Variants in HFM1 observed in about 807,000 individuals in gnomAD.
HFM1 encodes helicase for meiosis 1.
Under a neutral mutation model 192.1 loss-of-function variants are expected in HFM1, and 169 were observed. The ratio of observed to expected loss-of-function variants is 0.88; its 90% confidence interval spans 0.78 to 1.00. The LOEUF is 1.00. HFM1 is among the 50% of genes least tolerant of loss of function. The probability of loss-of-function intolerance (pLI) is 0.00; values close to 1 mark genes in which losing one functional copy is unlikely to be tolerated. For synonymous variants in HFM1, 525 were observed against 537.8 expected (o/e 0.98, Z 0.33); for missense variants, 1,661 against 1,668.0 (o/e 1.00, Z 0.07).
chr1:91,264,407 C>G (rs1665518448), intron 36 of HFM1, among the ~76,000 whole-genome samples: 1 of 60,252 alleles, frequency 1.7e-5, no homozygotes, highest in African/African-American at 7.0e-5. Flanking sequence ...GAGTCTCGCT[C>G]TGTGGCCCAG....
intron 20 of HFM1, among the ~76,000 whole-genome samples, chr1:91,331,650 T>C (rs1653838303): frequency 6.6e-6 from 1 of 152,094 alleles, no homozygotes; most frequent in Non-Finnish European, 1.5e-5. Context: ...AATCCCAGCA[T>C]TTTGGAAGGC....
At chr1:91,313,519 C>T in intron 29 of HFM1, 24 bp from the exon 30 acceptor site, 1 of 1,520,328 alleles carries the variant, frequency 6.6e-7, no homozygotes, top group Non-Finnish European at 8.9e-7. Context: ...AAAAAGTACA[C>T]AAATGTTTAT....
chr1:91,334,660 T>C (rs1418052156), intron 20 of HFM1, among the ~76,000 whole-genome samples: 1 of 151,960 alleles, frequency 6.6e-6, no homozygotes, highest in African/African-American at 2.4e-5. Flanking sequence ...GCCGGGCGCA[T>C]TGGCTCACAC....
chr1:91,400,249 C>T (rs1664148306), intron 2 of HFM1, among the ~76,000 whole-genome samples: 1 of 152,170 alleles, frequency 6.6e-6, no homozygotes, highest in Non-Finnish European at 1.5e-5. Flanking sequence ...TACCTACTCT[C>T]TAGTCTTGTT....
At chr1:91,321,504 T>C (rs531276867) in intron 23 of HFM1, among the ~76,000 whole-genome samples, 16 of 152,142 alleles carry the variant, frequency 1.1e-4, no homozygotes, top group African/African-American at 3.9e-4. Flanking sequence ...ACTTGAAGGA[T>C]AAAATCCTAA....
chr1:91,352,709 A>G, intron 15 of HFM1, 58 bp from the exon 16 acceptor site: 1 of 1,285,730 alleles, frequency 7.8e-7, no homozygotes, highest in Non-Finnish European at 1.0e-6. Flanking sequence ...CTTCAGGAAC[A>G]TTTTTTAATA....
chr1:91,379,298 A>C, intron 8 of HFM1, 84 bp from the exon 9 acceptor site: 1 of 1,037,730 alleles, frequency 9.6e-7, no homozygotes, highest in Non-Finnish European at 1.4e-6. Flanking sequence ...AAGTTAGCAT[A>C]AAAAATACAC....
intron 33 of HFM1, among the ~76,000 whole-genome samples, chr1:91,274,141 A>G (rs1293846838): frequency 2.6e-5 from 4 of 152,002 alleles, no homozygotes; most frequent in Admixed American, 2.6e-4. Flanking sequence ...TCTAGCAGGG[A>G]AATTACATAT....
chr1:91,290,861 A>G (rs1166815394), intron 30 of HFM1, among the ~76,000 whole-genome samples: 1 of 152,200 alleles, frequency 6.6e-6, no homozygotes, highest in African/African-American at 2.4e-5. Context: ...CTCTCAGACC[A>G]CAGTGCAATC....
intron 23 of HFM1, among the ~76,000 whole-genome samples, chr1:91,321,667 G>A (rs1021381289): frequency 2.6e-5 from 4 of 152,062 alleles, no homozygotes; most frequent in South Asian, 4.1e-4. Context: ...CATCCCACAC[G>A]TACACACATT....
chr1:91,357,881 G>A (rs957562658), intron 13 of HFM1, among the ~76,000 whole-genome samples: 3 of 152,120 alleles, frequency 2.0e-5, no homozygotes, highest in African/African-American at 7.2e-5. Context: ...TTAGGAATAA[G>A]TTTAATTAAG....
rs1477155517 is a variant in HFM1, at chr1:91,366,783, C to T, written c.1685+8575G>A. 2.0e-5 allele frequency among the ~76,000 whole-genome samples: 3 copies of T among 152,238 alleles called. No individual in the cohort carries two copies. In the East Asian group the frequency reaches 5.8e-4, roughly 30 times the overall value. On this transcript the variant is annotated intron_variant, in intron 13 of 38. Coordinates refer to ENST00000370425, the MANE Select transcript of HFM1 (RefSeq NM_001017975.6). ...GTGTCAGATAGCGGGTGCAGTGCACCGAGCTTGAGCTGAAGCAGGGCGAGG... is the reference window on the plus strand; with the variant it reads ...GTGTCAGATAGCGGGTGCAGTGCACTGAGCTTGAGCTGAAGCAGGGCGAGG...
At chr1:91,330,728 G>A (rs1244675700) in intron 20 of HFM1, among the ~76,000 whole-genome samples, 1 of 152,150 alleles carries the variant, frequency 6.6e-6, no homozygotes, top group Non-Finnish European at 1.5e-5. Flanking sequence ...CAATATCTTT[G>A]ATGAATATTG....
In HFM1 at chr1:91,330,289, A is replaced by C. The variant is rs72968496; in HGVS notation, c.2336-5523T>G. Among the ~76,000 whole-genome samples the C allele has an allele frequency of 2.3e-3, 356 of 152,286 alleles. 1 individual carries two copies. Among genetic ancestry groups the C allele is most frequent in the African/African-American group, 8.0e-3 (334 of 41,564 alleles). On this transcript the variant is annotated intron_variant, in intron 20 of 38. Coordinates refer to ENST00000370425, the MANE Select transcript of HFM1 (RefSeq NM_001017975.6). ...GAAGAAGAAGAAAAAGAAAATATCCAAATAAATAAAATCAGAGATGAAAAA... is the reference window on the plus strand; with the variant it reads ...GAAGAAGAAGAAAAAGAAAATATCCCAATAAATAAAATCAGAGATGAAAAA...
Position 91,378,421 on chromosome 1 carries a change from T to G in HFM1, c.1218A>C (p.Arg406=). 6.2e-7 allele frequency: 1 copy of G among 1,603,750 alleles called. No individual in the cohort carries two copies. Among genetic ancestry groups the G allele is most frequent in the Non-Finnish European group, 8.5e-7 (1 of 1,172,574 alleles). Residue 406 remains arginine, a synonymous_variant, in exon 10 of 39, where the codon CGA becomes CGC. Coordinates refer to ENST00000370425, the MANE Select transcript of HFM1 (RefSeq NM_001017975.6). Reference sequence around the variant, plus strand: ...TCATTACCTCATCAATGAGAAACAGTCGAACCAGCTGAACCAAAGAGTTGT... The same window carrying G: ...TCATTACCTCATCAATGAGAAACAGGCGAACCAGCTGAACCAAAGAGTTGT... ...WRDNSLVQLV[R]LFLIDEVHIV...
At chr1:91,266,459 A>C (rs1215463566) in intron 35 of HFM1, among the ~76,000 whole-genome samples, 1 of 152,184 alleles carries the variant, frequency 6.6e-6, no homozygotes, top group Non-Finnish European at 1.5e-5. Flanking sequence ...GCGTGTGGGA[A>C]AAAACCCACA....
intron 30 of HFM1, among the ~76,000 whole-genome samples, chr1:91,297,016 A>G (rs974014217): frequency 1.3e-5 from 2 of 152,252 alleles, no homozygotes; most frequent in East Asian, 1.9e-4. Context: ...GGGAAGCACA[A>G]GGGGTCAGGG....
At chr1:91,273,292 G>A (rs567472646) in intron 34 of HFM1, among the ~76,000 whole-genome samples, 54 of 152,000 alleles carry the variant, frequency 3.6e-4, no homozygotes, top group Non-Finnish European at 7.1e-4. Context: ...TAAGACTAAA[G>A]CCCAAAGAGA....
intron 13 of HFM1, among the ~76,000 whole-genome samples, chr1:91,354,329 C>G (rs1193963439): frequency 1.3e-5 from 2 of 151,660 alleles, no homozygotes; most frequent in East Asian, 3.9e-4. Flanking sequence ...TGAACAAAGC[C>G]TATAGGACTT....
Sources: gnomAD v4.1 joint callset for allele counts (sites outside exome capture counted in the v4.1 genomes callset) on GRCh38, gnomAD v4.1.1 for gene constraint, MANE v1.5 for transcripts, NCBI Gene and HGNC (gene_info 2026-07-23, HGNC 2026-07-21) for gene names.